DBF4: variants seen among roughly 807,000 people sequenced by gnomAD.
DBF4 encodes protein DBF4 homolog A.
A neutral mutation model predicts 76.6 loss-of-function variants in DBF4; 25 were observed. The ratio of observed to expected loss-of-function variants is 0.33; its 90% CI spans 0.24 to 0.46. The LOEUF (loss-of-function observed/expected upper bound fraction) is 0.46. DBF4 is among the 20% of genes least tolerant of loss of function. DBF4 has a pLI of 1.00. For synonymous variants in DBF4, 213 were observed against 258.0 expected (o/e 0.83, Z 1.67); for missense variants, 638 against 760.8 (o/e 0.84, Z 1.90).
intron 2 of DBF4, among the ~76,000 whole-genome samples, chr7:87,883,493 A>G (rs1839268473): frequency 6.6e-6 from 1 of 152,178 alleles, no homozygotes; most frequent in Admixed American, 6.6e-5. Context: ...CTCTGACATT[A>G]TTAGGGCCTC....
intron 6 of DBF4, chr7:87,896,086 T>G (rs1431603978): frequency 5.5e-6 from 1 of 183,294 alleles, no homozygotes; most frequent in Non-Finnish European, 1.1e-5. Context: ...ATCAGTGGAG[T>G]TGATTATCCA....
rs1839045836 is a variant in DBF4, at chr7:87,876,639, C to T, written c.-94C>T. ...GTAGCTGGCGGAAGGAGAGAGGCGG[C>T]CGTCCTGTCAACAGGCCGGGGGAAG... On this transcript the variant is annotated 5_prime_UTR_variant, in exon 1 of 12. Transcript: ENST00000265728. The T allele has an allele frequency of 1.4e-6, 2 of 1,398,846 alleles. No individual in the cohort carries two copies. Among genetic ancestry groups the T allele is most frequent in the Non-Finnish European group, 1.0e-6 (1 of 1,003,794 alleles). The allele number at this position is 1,398,846 out of a possible 1,614,324, so 86.7% of individuals were successfully genotyped here.
At chr7:87,887,857 T>C in intron 5 of DBF4, 126 bp from the exon 6 acceptor site, 1 of 946,488 alleles carries the variant, frequency 1.1e-6, no homozygotes, top group Non-Finnish European at 1.5e-6. Flanking sequence ...AGACAAACAT[T>C]CAGACCATAG....
In DBF4 at chr7:87,884,976, T is replaced by C; in HGVS notation, c.220-3T>C. 6.3e-7 allele frequency: 1 copy of C among 1,599,590 alleles called. No homozygotes were observed. On this transcript the variant is annotated splice_polypyrimidine_tract_variant and splice_region_variant and intron_variant, in intron 2 of 11. Transcript: ENST00000265728. ...TAAATAAAAATACTTTGTTCTCTTC[T>C]AGCGAGTTGAAGAATTTCTCAGCAA...
intron 6 of DBF4, 53 bp downstream of exon 6, chr7:87,888,112 C>T (rs28546778): frequency 0.068 from 101,789 of 1,500,690 alleles, 3,909 homozygotes; most frequent in African/African-American, 0.15. Flanking sequence ...TTTTTACTTA[C>T]GTATTTGCAA....
chr7:87,908,007 G>T lies in DBF4; in HGVS notation c.1869G>T (p.Gln623His), dbSNP rs1199969927. 1.9e-6 allele frequency: 3 copies of T among 1,613,804 alleles called. No homozygotes were observed. Among genetic ancestry groups the T allele is most frequent in the Non-Finnish European group, 2.5e-6 (3 of 1,179,790 alleles). ...SPVQSLLDLF[Q>H]TSEEKSEFLG... Reference sequence around the variant, plus strand: ...TACAGTCTTTACTAGACTTGTTTCAGACTAGTGAAGAGAAATCAGAATTTT... The same window carrying T: ...TACAGTCTTTACTAGACTTGTTTCATACTAGTGAAGAGAAATCAGAATTTT... Residue 623 changes from glutamine to histidine, a missense_variant, in exon 12 of 12, where the codon CAG becomes CAT. Transcript: ENST00000265728.
At chr7:87,888,753 C>G (rs992497827) in intron 6 of DBF4, among the ~76,000 whole-genome samples, 3 of 152,194 alleles carry the variant, frequency 2.0e-5, no homozygotes, top group Non-Finnish European at 4.4e-5. Flanking sequence ...AAACTTCTGA[C>G]CAGTTTTCCA....
chr7:87,884,899 T>C, intron 2 of DBF4, 80 bp from the exon 3 acceptor site: 26 of 1,082,756 alleles, frequency 2.4e-5, no homozygotes, highest in Non-Finnish European at 3.4e-5. Context: ...ATTGTGCCAC[T>C]GCACTCTAGC....
intron 4 of DBF4, 75 bp downstream of exon 4, chr7:87,886,969 G>A: frequency 6.7e-6 from 7 of 1,045,032 alleles, no homozygotes; most frequent in Non-Finnish European, 8.4e-6. Flanking sequence ...AGATATTCTT[G>A]AAATTTTCCT....
At chr7:87,883,407 T>A (rs1223302762) in intron 2 of DBF4, among the ~76,000 whole-genome samples, 2 of 152,180 alleles carry the variant, frequency 1.3e-5, no homozygotes, top group Admixed American at 6.5e-5. Context: ...CACTTAAAAA[T>A]GGTTAAAATG....
chr7:87,886,984 A>G, intron 4 of DBF4, 90 bp downstream of exon 4: 1 of 939,992 alleles, frequency 1.1e-6, no homozygotes. Context: ...TTTCCTTTCC[A>G]CATTTTTAGG....
rs747501333 is a variant in DBF4, at chr7:87,885,195, C to G, written c.399+37C>G. The G allele has an allele frequency of 1.6e-5, 24 of 1,512,752 alleles. 2 individuals are homozygous for G. In the South Asian group the frequency reaches 3.1e-4, roughly 19 times the overall value. The allele number at this position is 1,512,752 out of a possible 1,614,324, so 93.7% of individuals were successfully genotyped here. A position where few individuals can be genotyped will look rare whatever the true frequency, so the allele number is the denominator to read the frequency against. ...AAATATGCTTTGAGACTCAGAAGGG[C>G]TATATCCTGAAGATCTCCTGGTTTT... On this transcript the variant is annotated intron_variant, in intron 3 of 11. Coordinates refer to ENST00000265728, the MANE Select transcript of DBF4 (RefSeq NM_006716.4).
intron 5 of DBF4, among the ~76,000 whole-genome samples, chr7:87,887,721 C>G (rs1158951802): frequency 1.3e-5 from 2 of 152,060 alleles, no homozygotes. Context: ...CTCTCTTTCT[C>G]TTTTTATAAA....
At chr7:87,882,540 C>T (rs1243437475) in intron 2 of DBF4, among the ~76,000 whole-genome samples, 1 of 152,156 alleles carries the variant, frequency 6.6e-6, no homozygotes, top group Non-Finnish European at 1.5e-5. Context: ...CACAGAATTG[C>T]AGGAAATCTT....
intron 5 of DBF4, 62 bp from the exon 6 acceptor site, chr7:87,887,921 T>C: frequency 4.3e-6 from 6 of 1,395,712 alleles, no homozygotes; most frequent in Non-Finnish European, 5.8e-6. Context: ...TACAAGAAAA[T>C]ATCACTGTTT....
chr7:87,879,317 T>G (rs982397575), intron 2 of DBF4, among the ~76,000 whole-genome samples: 2 of 152,196 alleles, frequency 1.3e-5, no homozygotes, highest in Non-Finnish European at 2.9e-5. Context: ...TTAATATATT[T>G]TATTTACTTA....
rs537805405 is a variant in DBF4, at chr7:87,894,469, A to T, written c.598-2005A>T. On this transcript the variant is annotated intron_variant, in intron 6 of 11. Transcript: ENST00000265728. ...TGTCTCGGGGAAAAAAAAGAAAAAA[A>T]AAGTTGGGTTTTAAAGAAAGCGACA... 3.2e-4 allele frequency among the ~76,000 whole-genome samples: 48 copies of T among 152,318 alleles called. 1 individual carries two copies. In the East Asian group the frequency reaches 5.6e-3, roughly 18 times the overall value.
intron 7 of DBF4, among the ~76,000 whole-genome samples, 161 bp downstream of exon 7, chr7:87,896,671 G>A (rs567175067): frequency 6.6e-6 from 1 of 152,188 alleles, no homozygotes; most frequent in African/African-American, 2.4e-5. Flanking sequence ...CCTGTGGACC[G>A]CATTTTCAGA....
chr7:87,902,304 G>A (rs887348152), intron 10 of DBF4, among the ~76,000 whole-genome samples: 9 of 152,030 alleles, frequency 5.9e-5, no homozygotes, highest in Admixed American at 2.6e-4. Flanking sequence ...TTTCTTAGTT[G>A]CTAAGAGTAA....
Sources: allele counts gnomAD v4.1 joint callset (sites outside exome capture counted in the v4.1 genomes callset), GRCh38; gene constraint gnomAD v4.1.1; transcripts MANE v1.5; gene names NCBI Gene and HGNC (gene_info 2026-07-23, HGNC 2026-07-21).